The following CDH18 variants were observed in gnomAD, a reference collection of about 807,000 sequenced individuals.
CDH18 encodes the protein cadherin-18.
In CDH18, 31 loss-of-function variants were observed where a neutral mutation model predicts 67.9. The ratio of observed to expected loss-of-function variants is 0.46; its 90% confidence interval spans 0.34 to 0.62. The LOEUF is 0.62. Among genes scored for constraint, CDH18 ranks in the 20% least tolerant of loss-of-function variants. The probability of loss-of-function intolerance (pLI) is 0.01; values close to 1 mark genes in which losing one functional copy is unlikely to be tolerated. For synonymous variants in CDH18, 362 were observed against 347.2 expected (o/e 1.04, Z -0.48); for missense variants, 890 against 975.5 (o/e 0.91, Z 1.17).
chr5:20,104,145 A>G (rs186456577), intron 2 of CDH18, among the ~76,000 whole-genome samples: 1 of 151,346 alleles, frequency 6.6e-6, no homozygotes, highest in Non-Finnish European at 1.5e-5. Context: ...CTATTAATAT[A>G]GATATAGATT....
chr5:20,432,423 T>C (rs2150177560), intron 1 of CDH18, among the ~76,000 whole-genome samples: 1 of 152,288 alleles, frequency 6.6e-6, no homozygotes, highest in East Asian at 1.9e-4. Context: ...GAACTTTGGT[T>C]AAATTCAGCA....
At chr5:20,347,011 AG>A (rs1740757438) in intron 1 of CDH18, among the ~76,000 whole-genome samples, 1 of 152,110 alleles carries the variant, frequency 6.6e-6, no homozygotes, top group Admixed American at 6.5e-5. Context: ...TTAACTCCTA[AG>A]GAGAGGTTGA....
chr5:19,639,631 G>A (rs1753744396), intron 5 of CDH18, among the ~76,000 whole-genome samples: 1 of 152,126 alleles, frequency 6.6e-6, no homozygotes, highest in African/African-American at 2.4e-5. Flanking sequence ...CTAAAATACT[G>A]GTGCCACTTC....
At chr5:19,831,343 T>C (rs946686437) in intron 3 of CDH18, among the ~76,000 whole-genome samples, 3 of 151,974 alleles carry the variant, frequency 2.0e-5, no homozygotes, top group Non-Finnish European at 2.9e-5. Flanking sequence ...AACTATAGAA[T>C]GGGAGAAAAT....
intron 2 of CDH18, among the ~76,000 whole-genome samples, chr5:19,994,730 TATATATATAGAGAGAGAGAGAGAGAGAG>T (rs1374754486): frequency 0.01 from 172 of 16,684 alleles, 11 homozygotes; most frequent in African/African-American, 0.039. Context: ...TATATATATA[TATATATATAGAGAGAGAGAGAGAGAGAG>T]AGAGAGAGAG....
intron 1 of CDH18, among the ~76,000 whole-genome samples, chr5:20,367,786 G>A (rs1426488411): frequency 2.0e-5 from 3 of 152,094 alleles, no homozygotes; most frequent in Non-Finnish European, 4.4e-5. Flanking sequence ...TTTCCTTTTA[G>A]GATAACTGAT....
chr5:19,662,979 G>A (rs1209827923), intron 5 of CDH18, among the ~76,000 whole-genome samples: 1 of 151,924 alleles, frequency 6.6e-6, no homozygotes, highest in East Asian at 1.9e-4. Flanking sequence ...AAATATGCCC[G>A]CTTAAAGTTC....
chr5:20,042,860 G>A (rs967637844), intron 2 of CDH18, among the ~76,000 whole-genome samples: 1 of 151,946 alleles, frequency 6.6e-6, no homozygotes, highest in African/African-American at 2.4e-5. Flanking sequence ...TACTCGGGAG[G>A]CTGAGGCAGG....
At chr5:20,195,452 C>T (rs1221433302) in intron 2 of CDH18, among the ~76,000 whole-genome samples, 1 of 151,854 alleles carries the variant, frequency 6.6e-6, no homozygotes, top group Admixed American at 6.6e-5. Flanking sequence ...CTAAAAAGGT[C>T]TCAGAAACTA....
intron 3 of CDH18, among the ~76,000 whole-genome samples, chr5:19,826,831 G>A (rs1172329771): frequency 6.7e-6 from 1 of 150,256 alleles, no homozygotes; most frequent in Non-Finnish European, 1.5e-5. Context: ...AATCAAATCT[G>A]CATAATAACC....
intron 2 of CDH18, among the ~76,000 whole-genome samples, chr5:20,079,229 C>T (rs1234155805): frequency 6.6e-6 from 1 of 152,126 alleles, no homozygotes; most frequent in Non-Finnish European, 1.5e-5. Flanking sequence ...CAACCCCACA[C>T]TGCAGCCCCT....
At chr5:19,645,477 T>G (rs1021753828) in intron 5 of CDH18, among the ~76,000 whole-genome samples, 41 of 152,284 alleles carry the variant, frequency 2.7e-4, no homozygotes, top group Non-Finnish European at 5.0e-4. Flanking sequence ...ACGGATAGTC[T>G]GTAGGCTCTG....
rs561379125 is a variant in CDH18 at position 20,346,568 on chromosome 5, G to T, written c.-579-91063C>A. 2.6e-5 allele frequency among the ~76,000 whole-genome samples: 4 copies of T among 152,234 alleles called. No individual in the cohort carries two copies. In the South Asian group the frequency reaches 8.3e-4, roughly 32 times the overall value. On this transcript the variant is annotated intron_variant, in intron 1 of 14. Transcript: ENST00000507958. ...TCAGGGACTGTGGTTCGTCTGTGAA[G>T]ACCAGCAGCAAAAACTCTGGGCCTT...
chr5:19,972,656 A>G (rs1798137389), intron 2 of CDH18, among the ~76,000 whole-genome samples: 1 of 152,028 alleles, frequency 6.6e-6, no homozygotes, highest in Non-Finnish European at 1.5e-5. Context: ...TAACAAAAAT[A>G]TATCTCATAA....
chr5:20,274,956 T>C (rs1023756071), intron 1 of CDH18, among the ~76,000 whole-genome samples: 4 of 152,168 alleles, frequency 2.6e-5, no homozygotes, highest in Non-Finnish European at 4.4e-5. Flanking sequence ...TCATTTTGCC[T>C]TGACATGCTT....
chr5:20,066,629 A>G (rs1743000417), intron 2 of CDH18, among the ~76,000 whole-genome samples: 1 of 152,028 alleles, frequency 6.6e-6, no homozygotes, highest in Non-Finnish European at 1.5e-5. Context: ...TTTCTTTTCC[A>G]CAGCATGTCC....
chr5:20,316,493 AT>A, intron 1 of CDH18, among the ~76,000 whole-genome samples: 1 of 152,230 alleles, frequency 6.6e-6, no homozygotes, highest in African/African-American at 2.4e-5. Flanking sequence ...ACACATAATT[AT>A]TTAAACTTAG....
At position 19,958,593 on chromosome 5, in the gene CDH18, T is replaced by C. The variant is rs1796498674; in HGVS notation, c.-257+22467A>G. On this transcript the variant is annotated intron_variant, in intron 2 of 12. Transcript: ENST00000382275. ...AAGCAGTATTGGCTGAATGAATAAA[T>C]ATAAAAGAAAACATGTAAAAGAGGA... Among the ~76,000 whole-genome samples the C allele has an allele frequency of 2.0e-5, 3 of 151,712 alleles. No homozygotes were observed. In the South Asian group the frequency reaches 6.2e-4, roughly 32 times the overall value.
intron 1 of CDH18, among the ~76,000 whole-genome samples, chr5:20,278,416 T>A (rs1332741487): frequency 2.0e-5 from 3 of 151,668 alleles, no homozygotes; most frequent in Admixed American, 2.0e-4. Context: ...AGCAAAAATA[T>A]CCTTCAAACA....
Sources: gnomAD v4.1 joint callset for allele counts (sites outside exome capture counted in the v4.1 genomes callset) on GRCh38, gnomAD v4.1.1 for gene constraint, MANE v1.5 for transcripts, NCBI Gene and HGNC (gene_info 2026-07-23, HGNC 2026-07-21) for gene names.